KAZN: variants seen among roughly 807,000 people sequenced by gnomAD.
KAZN encodes kazrin.
KAZN carries 40 observed loss-of-function variants against 87.4 expected under a neutral mutation model. The observed-to-expected ratio is 0.46, with a 90% CI of 0.36 to 0.60. The LOEUF is 0.60. Ranked by LOEUF, KAZN falls within the 20% of genes least tolerant of loss-of-function variation. The probability of loss-of-function intolerance (pLI) is 0.00; values close to 1 mark genes in which losing one functional copy is unlikely to be tolerated. For missense variants in KAZN, 898 were observed against 1,073.9 expected (o/e 0.84, Z 2.29); for synonymous variants, 466 against 458.3 (o/e 1.02, Z -0.22).
At chr1:14,524,640 T>C (rs901060308) in intron 2 of KAZN, among the ~76,000 whole-genome samples, 4 of 152,200 alleles carry the variant, frequency 2.6e-5, no homozygotes, top group African/African-American at 9.7e-5. Context: ...CCCCCAGGCA[T>C]GTCAGTCTGC....
chr1:14,750,203 T>C (rs532195952), intron 1 of KAZN, among the ~76,000 whole-genome samples: 1 of 152,192 alleles, frequency 6.6e-6, no homozygotes, highest in South Asian at 2.1e-4. Context: ...TGAAAGTTTT[T>C]TTAAAAAAAA....
In KAZN at chr1:15,077,882, G is replaced by A. The variant is rs1215127094; in HGVS notation, c.1222+12129G>A. Among the ~76,000 whole-genome samples, 1 of 152,276 alleles carries A rather than the reference G, an allele frequency of 6.6e-6. No homozygotes were observed. The highest frequency in any genetic ancestry group is 2.1e-4 in the South Asian group (1 of 4,822). ...GTGAGGAAAGCTAATATGACTTGCT[G>A]ACATTTACTAAGTGCCTACTGTGCC... On this transcript the variant is annotated intron_variant, in intron 8 of 14. Coordinates refer to ENST00000376030, the MANE Select transcript of KAZN (RefSeq NM_201628.3). The surrounding 1 kb of genome is among the most constrained non-coding windows in gnomAD (Gnocchi z 4.8).
rs187135779 is a variant in KAZN, at chr1:14,493,670, G to A, written c.250-105313G>A. Among the ~76,000 whole-genome samples, 41 of 152,164 alleles carry A rather than the reference G, an allele frequency of 2.7e-4. No homozygotes were observed. The East Asian group carries it at 6.4e-3, about 24-fold the overall frequency. On this transcript the variant is annotated intron_variant, in intron 2 of 16. Transcript: ENST00000636203. ...CTGAAATATGATATAATATCTCTAC[G>A]TGCTCCCTACATCTTCTCCAATTCC...
chr1:14,026,924 C>T (rs575709988), intron 1 of KAZN, among the ~76,000 whole-genome samples: 57 of 152,054 alleles, frequency 3.7e-4, no homozygotes, highest in African/African-American at 1.3e-3. Flanking sequence ...ACATCCAAAC[C>T]GAAACTTGAA....
At chr1:13,927,560 T>G (rs1350697480) in intron 1 of KAZN, among the ~76,000 whole-genome samples, 1 of 152,176 alleles carries the variant, frequency 6.6e-6, no homozygotes, top group African/African-American at 2.4e-5. Context: ...TTATCCACTT[T>G]GGACCTATGT....
rs143314636 is a variant in KAZN, at chr1:14,488,838, C to T, written c.250-110145C>T. ...CTTCCCATCACCCCTTGGCCCCGTG[C>T]GCCATGTTTTCTGGCTTTCCAATTT... is the stretch of plus-strand genomic sequence containing the variant. On this transcript the variant is annotated intron_variant, in intron 2 of 16. Coordinates refer to the KAZN transcript ENST00000636203. 4.0e-3 allele frequency among the ~76,000 whole-genome samples: 608 copies of T among 152,304 alleles called. 3 individuals are homozygous for T. Among genetic ancestry groups the T allele is most frequent in the Middle Eastern group, 0.01 (3 of 294 alleles).
intron 1 of KAZN, among the ~76,000 whole-genome samples, chr1:14,124,639 A>T (rs1017235369): frequency 1.3e-5 from 2 of 152,210 alleles, no homozygotes; most frequent in Non-Finnish European, 2.9e-5. Context: ...GGAAAAGGAC[A>T]TCTTGGTATA....
chr1:14,300,578 A>G (rs1654478852), intron 2 of KAZN, among the ~76,000 whole-genome samples: 1 of 152,186 alleles, frequency 6.6e-6, no homozygotes. Context: ...ACATACTTTC[A>G]AAAGGTCCCT....
intron 1 of KAZN, among the ~76,000 whole-genome samples, chr1:14,922,847 G>C (rs1658683683): frequency 6.6e-6 from 1 of 150,750 alleles, no homozygotes; most frequent in Admixed American, 6.6e-5. Flanking sequence ...TTCTAAGGCA[G>C]CCTCCGCAGC....
At chr1:14,863,665 C>T (rs946890807) in intron 1 of KAZN, among the ~76,000 whole-genome samples, 1 of 152,154 alleles carries the variant, frequency 6.6e-6, no homozygotes, top group African/African-American at 2.4e-5. Flanking sequence ...ATCCAAATCC[C>T]GTGATGGCTC....
chr1:14,187,340 A>G (rs932203573), intron 2 of KAZN, among the ~76,000 whole-genome samples: 4 of 152,156 alleles, frequency 2.6e-5, no homozygotes, highest in African/African-American at 9.7e-5. Flanking sequence ...ATGTTGATAC[A>G]TTCTTAAAGC....
At chr1:14,962,254 C>T (rs1384659211) in intron 2 of KAZN, among the ~76,000 whole-genome samples, 1 of 152,224 alleles carries the variant, frequency 6.6e-6, no homozygotes, top group Non-Finnish European at 1.5e-5. Flanking sequence ...AGTGTCACAG[C>T]ACTCTTGACA....
chr1:13,976,392 G>T (rs1638359770), intron 1 of KAZN, among the ~76,000 whole-genome samples: 1 of 152,004 alleles, frequency 6.6e-6, no homozygotes, highest in African/African-American at 2.4e-5. Context: ...TGACCTCCTT[G>T]TCAAGAAAAA....
intron 1 of KAZN, among the ~76,000 whole-genome samples, chr1:14,790,054 G>A (rs764782710): frequency 4.6e-5 from 7 of 151,720 alleles, no homozygotes; most frequent in Non-Finnish European, 7.4e-5. Context: ...CCAGGCTGGA[G>A]TGCAATGGCG....
At chr1:14,687,102 C>T (rs1278560663) in intron 1 of KAZN, among the ~76,000 whole-genome samples, 7 of 152,310 alleles carry the variant, frequency 4.6e-5, no homozygotes, top group African/African-American at 1.4e-4. Flanking sequence ...AATTGACCAA[C>T]TTATACTATG....
At chr1:14,822,033 C>CTGTT (rs931122707) in intron 1 of KAZN, among the ~76,000 whole-genome samples, 9 of 152,282 alleles carry the variant, frequency 5.9e-5, no homozygotes, top group African/African-American at 1.2e-4. Context: ...AAGAAAGCCT[C>CTGTT]TGTTTGTTTG....
intron 1 of KAZN, among the ~76,000 whole-genome samples, chr1:14,857,510 G>A (rs1650275884): frequency 6.7e-6 from 1 of 149,544 alleles, no homozygotes; most frequent in Admixed American, 6.7e-5. Flanking sequence ...TCCAGCCTAG[G>A]TGACAGAGTG....
chr1:14,468,657 G>T (rs1377690886), intron 2 of KAZN, among the ~76,000 whole-genome samples: 1 of 152,196 alleles, frequency 6.6e-6, no homozygotes, highest in Admixed American at 6.5e-5. Flanking sequence ...TAGAATCAAA[G>T]CTAAATTAGG....
At chr1:14,768,021 T>G (rs911898044) in intron 1 of KAZN, among the ~76,000 whole-genome samples, 1 of 152,192 alleles carries the variant, frequency 6.6e-6, no homozygotes, top group African/African-American at 2.4e-5. Context: ...AGCTTTAGCT[T>G]TGATTTGGTC....
Sources: gnomAD v4.1 joint callset for allele counts (sites outside exome capture counted in the v4.1 genomes callset) on GRCh38, gnomAD v4.1.1 for gene constraint, Gnocchi (gnomAD v3.1) non-coding constraint, MANE v1.5 for transcripts, NCBI Gene and HGNC (gene_info 2026-07-23, HGNC 2026-07-21) for gene names.